SKP1: variants seen among roughly 807,000 people sequenced by gnomAD.
SKP1 encodes the protein S-phase kinase associated protein 1.
SKP1 carries 1 observed loss-of-function variant against 21.5 expected under a neutral mutation model. That is an observed-to-expected ratio of 0.05 (90% CI 0.02 to 0.22). The LOEUF (loss-of-function observed/expected upper bound fraction) is 0.22, where lower values mean the gene tolerates loss of function less well. Among genes scored for constraint, SKP1 ranks in the 10% least tolerant of loss-of-function variants. The pLI is 1.00. For synonymous variants in SKP1, 59 were observed against 59.3 expected, an observed-to-expected ratio of 0.99 and a Z score of 0.03; for missense variants, 70 against 192.0, an observed-to-expected ratio of 0.36 and a Z score of 3.76.
At position 134,150,573 on chromosome 5, in the gene SKP1, TTTTC is replaced by T. The variant is rs534845302; in HGVS notation, c.*7156_*7159del. On this transcript the variant is annotated 3_prime_UTR_variant, in exon 6 of 6. Transcript: ENST00000353411. ...AATTGTATAAAAAGGCTAAGTTGGC[TTTTC>T]TTTGAGGTTCTTTGAGAGTCCTTAA... 81 of 152,322 alleles carry T rather than the reference TTTTC, an allele frequency of 5.3e-4. No homozygotes were observed. Among genetic ancestry groups the T allele is most frequent in the African/African-American group, 1.7e-3 (71 of 41,580 alleles). 9.4% of individuals were successfully genotyped at this position (152,322 alleles called of 1,614,324 possible). A position where few individuals can be genotyped will look rare whatever the true frequency, so the allele number is the denominator to read the frequency against.
intron 3 of SKP1, among the ~76,000 whole-genome samples, chr5:134,163,748 C>T (rs1761269220): frequency 6.6e-6 from 1 of 152,060 alleles, no homozygotes; most frequent in Non-Finnish European, 1.5e-5. Flanking sequence ...CATGACTGCA[C>T]CACTGCACTC....
chr5:134,163,323 G>A (rs1213848267), intron 3 of SKP1, among the ~76,000 whole-genome samples: 1 of 151,536 alleles, frequency 6.6e-6, no homozygotes, highest in Non-Finnish European at 1.5e-5. Flanking sequence ...CACAACGGGT[G>A]GTGCCAGTAA....
rs1761117424 is a variant in SKP1 at position 134,156,164 on chromosome 5, G to T, written c.*1569C>A. 1 of 152,016 alleles carries T rather than the reference G, an allele frequency of 6.6e-6. No homozygotes were observed. The highest frequency in any genetic ancestry group is 2.1e-4 in the South Asian group (1 of 4,826). 9.4% of individuals were successfully genotyped at this position (152,016 alleles called of 1,614,324 possible). Reference sequence around the variant, plus strand: ...CTTATAATAGCAGGAATTGGTAGATGAGACAATTCAGCTAGGACTATACAC... The same window carrying T: ...CTTATAATAGCAGGAATTGGTAGATTAGACAATTCAGCTAGGACTATACAC... On this transcript the variant is annotated 3_prime_UTR_variant, in exon 6 of 6. Transcript: ENST00000353411.
At chr5:134,174,080 C>A in intron 1 of SKP1, 58 bp from the exon 2 acceptor site, 1 of 1,029,450 alleles carries the variant, frequency 9.7e-7, no homozygotes, top group East Asian at 2.5e-5. Context: ...CATGACATTT[C>A]ATCAACTACA....
chr5:134,172,905 G>A (rs1432950599), intron 2 of SKP1, among the ~76,000 whole-genome samples: 2 of 151,800 alleles, frequency 1.3e-5, no homozygotes, highest in African/African-American at 2.4e-5. Flanking sequence ...CCAGCTACTC[G>A]GGAGGCTAAG....
chr5:134,176,085 G>T (rs901864268), intron 1 of SKP1, among the ~76,000 whole-genome samples: 3 of 152,178 alleles, frequency 2.0e-5, no homozygotes, highest in Non-Finnish European at 4.4e-5. Flanking sequence ...CAAACGTGAA[G>T]TTTCCATTAA....
At position 134,154,462 on chromosome 5, in the gene SKP1, A is replaced by C. The variant is rs898947148; in HGVS notation, c.*3271T>G. On this transcript the variant is annotated 3_prime_UTR_variant, in exon 6 of 6. Coordinates refer to ENST00000353411, the MANE Select transcript of SKP1 (RefSeq NM_170679.3). ...GACTCTGTCTCAAAAAAAAAAAAAAAAAAAAAAAAATTATTAGAATTTGAG... is the reference window on the plus strand; with the variant it reads ...GACTCTGTCTCAAAAAAAAAAAAAACAAAAAAAAAATTATTAGAATTTGAG... 2.6e-4 allele frequency: 39 copies of C among 151,808 alleles called. No individual in the cohort carries two copies. The highest frequency in any genetic ancestry group is 9.2e-4 in the African/African-American group (38 of 41,376). 9.4% of individuals were successfully genotyped at this position (151,808 alleles called of 1,614,324 possible).
intron 3 of SKP1, among the ~76,000 whole-genome samples, chr5:134,165,869 G>A (rs1761320765): frequency 6.6e-6 from 1 of 151,414 alleles, no homozygotes; most frequent in Admixed American, 6.6e-5. Context: ...CTGGGCAACA[G>A]AGTGAGATCA....
intron 3 of SKP1, among the ~76,000 whole-genome samples, chr5:134,164,322 G>GAAAA (rs55637997): frequency 4.1e-5 from 5 of 122,128 alleles, no homozygotes; most frequent in African/African-American, 1.6e-4. Flanking sequence ...TCCATCTCAA[G>GAAAA]AAAAAAAAAA....
intron 2 of SKP1, among the ~76,000 whole-genome samples, chr5:134,169,903 A>G (rs993414875): frequency 6.6e-6 from 1 of 151,888 alleles, no homozygotes. Context: ...CAGGAGGCTG[A>G]GGCAGAAGAA....
At position 134,150,454 on chromosome 5, in the gene SKP1, C is replaced by T. The variant is rs1486288190; in HGVS notation, c.*7279G>A. The T allele has an allele frequency of 6.6e-6, 1 of 152,206 alleles. No homozygotes were observed. The highest frequency in any genetic ancestry group is 2.4e-5 in the African/African-American group (1 of 41,436). 9.4% of individuals were successfully genotyped at this position (152,206 alleles called of 1,614,324 possible). The stretch of plus-strand genomic sequence containing the variant: ...GTTCCTGCATCCGTTTCTCAGAAAA[C>T]AGCACAGAACAGAAGGGGTAAGGGT... On this transcript the variant is annotated 3_prime_UTR_variant, in exon 6 of 6. Coordinates refer to ENST00000353411, the MANE Select transcript of SKP1 (RefSeq NM_170679.3).
chr5:134,169,019 G>C (rs991558453), intron 2 of SKP1, among the ~76,000 whole-genome samples: 2 of 152,036 alleles, frequency 1.3e-5, no homozygotes, highest in Non-Finnish European at 2.9e-5. Context: ...ATAGCGAAGA[G>C]GTCCAAGGAT....
chr5:134,166,087 G>A (rs1761325400), intron 3 of SKP1, among the ~76,000 whole-genome samples: 1 of 150,854 alleles, frequency 6.6e-6, no homozygotes, highest in Admixed American at 6.6e-5. Context: ...GGGAGGCTGA[G>A]GCAGGGAAAA....
At position 134,174,137 on chromosome 5, in the gene SKP1, T is replaced by C. The variant is rs1481710632; in HGVS notation, c.1-115A>G. ...TATTGACCACAAAGTTCTAAGAACC[T>C]ACAATACATAACCCTGTAAAGCACT... On this transcript the variant is annotated intron_variant, in intron 1 of 5. Transcript: ENST00000353411. 4.4e-5 allele frequency: 30 copies of C among 682,780 alleles called. No homozygotes were observed. In the East Asian group the frequency reaches 7.9e-4, roughly 18 times the overall value. The allele number at this position is 682,780 out of a possible 1,614,324, so 42.3% of individuals were successfully genotyped here. A position where few individuals can be genotyped will look rare whatever the true frequency, so the allele number is the denominator to read the frequency against.
In SKP1 at chr5:134,155,054, C is replaced by G. The variant is rs187648428; in HGVS notation, c.*2679G>C. The G allele has an allele frequency of 4.4e-4, 67 of 152,300 alleles. No homozygotes were observed. Among genetic ancestry groups the G allele is most frequent in the African/African-American group, 1.6e-3 (66 of 41,562 alleles). 9.4% of individuals were successfully genotyped at this position (152,300 alleles called of 1,614,324 possible). On this transcript the variant is annotated 3_prime_UTR_variant, in exon 6 of 6. Transcript: ENST00000353411. ...GTTAAATCCTGCTGTCAAGTGACTT[C>G]CAATGAAGTTCTGGAACTAATATAA...
chr5:134,166,543 T>TA (rs927306538), intron 3 of SKP1, among the ~76,000 whole-genome samples: 1 of 113,140 alleles, frequency 8.8e-6, no homozygotes, highest in Non-Finnish European at 1.6e-5. Context: ...ATCATACCAC[T>TA]ACCCTCCAAC....
In SKP1 at chr5:134,149,055, G is replaced by C. The variant is rs959480802; in HGVS notation, c.*8678C>G. On this transcript the variant is annotated 3_prime_UTR_variant, in exon 6 of 6. Transcript: ENST00000353411. ...TATATTGTGTAGCGGTGAGGTCCGGGCTATTTTTAGATTATTTGTATACAT... is the reference window on the plus strand; with the variant it reads ...TATATTGTGTAGCGGTGAGGTCCGGCCTATTTTTAGATTATTTGTATACAT... 3 of 151,982 alleles carry C rather than the reference G, an allele frequency of 2.0e-5. No homozygotes were observed. The highest frequency in any genetic ancestry group is 4.4e-5 in the Non-Finnish European group (3 of 68,000). The allele number at this position is 151,982 out of a possible 1,614,324, so 9.4% of individuals were successfully genotyped here. A position where few individuals can be genotyped will look rare whatever the true frequency, so the allele number is the denominator to read the frequency against.
Position 134,157,528 on chromosome 5 carries a change from C to A in SKP1, c.*205G>T. On this transcript the variant is annotated 3_prime_UTR_variant, in exon 6 of 6. Coordinates refer to ENST00000353411, the MANE Select transcript of SKP1 (RefSeq NM_170679.3). ...TTATTCAGAGCAAAGAAAAAAGAAA[C>A]TTTCCATCATACTAGAAGAAACTTG... The A allele has an allele frequency of 1.8e-6, 1 of 543,772 alleles. No homozygotes were observed. The highest frequency in any genetic ancestry group is 2.4e-5 in the South Asian group (1 of 41,400). The allele number at this position is 543,772 out of a possible 1,614,324, so 33.7% of individuals were successfully genotyped here. A position where few individuals can be genotyped will look rare whatever the true frequency, so the allele number is the denominator to read the frequency against.
At chr5:134,164,205 C>T (rs187504289) in intron 3 of SKP1, among the ~76,000 whole-genome samples, 55 of 151,836 alleles carry the variant, frequency 3.6e-4, no homozygotes, top group African/African-American at 1.3e-3. Context: ...GCCTGTAATC[C>T]CAGCTACTGA....
Sources: allele counts gnomAD v4.1 joint callset (sites outside exome capture counted in the v4.1 genomes callset), GRCh38; gene constraint gnomAD v4.1.1; transcripts MANE v1.5; gene names NCBI Gene and HGNC (gene_info 2026-07-23, HGNC 2026-07-21).